Variants in TCF4 observed in about 807,000 individuals in gnomAD.
The protein encoded by TCF4 is SL3-3 enhancer factor 2.
Under a neutral mutation model 82.1 loss-of-function variants are expected in TCF4, and 3 were observed. The observed-to-expected ratio is 0.04, with a 90% CI of 0.02 to 0.09. The LOEUF is 0.09. Among genes scored for constraint, TCF4 ranks in the 10% least tolerant of loss-of-function variants. The pLI, the probability that TCF4 is intolerant of heterozygous loss-of-function variation, is 1.00. For synonymous variants in TCF4, 276 were observed against 309.6 expected (o/e 0.89, Z 1.14); for missense variants, 518 against 852.7 (o/e 0.61, Z 4.89).
intron 2 of TCF4, among the ~76,000 whole-genome samples, chr18:55,602,068 G>A (rs1031970901): frequency 3.9e-5 from 6 of 152,118 alleles, no homozygotes; most frequent in African/African-American, 1.2e-4. Context: ...CCGGATTCAC[G>A]TTAATGCCTA....
intron 3 of TCF4, among the ~76,000 whole-genome samples, chr18:55,539,144 G>C (rs1368353397): frequency 6.6e-6 from 1 of 151,920 alleles, no homozygotes; most frequent in East Asian, 1.9e-4. Context: ...TTTACAGCCA[G>C]AACAAAAAAC....
intron 8 of TCF4, among the ~76,000 whole-genome samples, chr18:55,294,227 TC>T (rs1211686239): frequency 6.6e-6 from 1 of 150,548 alleles, no homozygotes; most frequent in African/African-American, 2.4e-5. Context: ...GCCACTGCAC[TC>T]CAGCCTGGGC....
chr18:55,538,385 A>G (rs1290781721), intron 3 of TCF4, among the ~76,000 whole-genome samples: 3 of 152,178 alleles, frequency 2.0e-5, no homozygotes, highest in Non-Finnish European at 4.4e-5. Context: ...AAAGACTAGG[A>G]TCCTTTCAAG....
At chr18:55,532,848 C>T (rs1015180345) in intron 3 of TCF4, among the ~76,000 whole-genome samples, 5 of 152,182 alleles carry the variant, frequency 3.3e-5, no homozygotes, top group African/African-American at 1.2e-4. Flanking sequence ...TCCATCCACA[C>T]TAACCGGCAA....
At chr18:55,332,502 A>T (rs2077774523) in intron 8 of TCF4, among the ~76,000 whole-genome samples, 1 of 152,176 alleles carries the variant, frequency 6.6e-6, no homozygotes, top group Non-Finnish European at 1.5e-5. Context: ...CTATCACTGT[A>T]TTTTTAAGAG....
intron 8 of TCF4, among the ~76,000 whole-genome samples, chr18:55,329,850 AG>A (rs1172219844): frequency 6.6e-6 from 1 of 152,252 alleles, no homozygotes; most frequent in Non-Finnish European, 1.5e-5. Context: ...TGACCTCTTC[AG>A]GCATGATTAT....
Position 55,387,535 on chromosome 18 carries a change from C to T in TCF4, c.369+15919G>A, listed in dbSNP as rs115606966. Among the ~76,000 whole-genome samples, 1,082 of 152,324 alleles carry T rather than the reference C, an allele frequency of 7.1e-3. 16 individuals are homozygous for T. The highest frequency in any genetic ancestry group is 0.025 in the African/African-American group (1,032 of 41,566). On this transcript the variant is annotated intron_variant, in intron 6 of 19. Coordinates refer to ENST00000354452, the MANE Select transcript of TCF4 (RefSeq NM_001083962.2). ...TGCTTTTTATCCAAGTTCACAGCTC[C>T]TGGTCACTGAGGGTAAACAGTGTTA... is the stretch of plus-strand genomic sequence containing the variant.
At position 55,403,562 on chromosome 18, in the gene TCF4, T is replaced by TA. The variant is rs551539799; in HGVS notation, c.305-45dup. On this transcript the variant is annotated intron_variant, in intron 5 of 19. Transcript: ENST00000354452. ...AAAAAGTGTAAATTGTGTTTTTCCTTAAAAAAAAATCTCCTCCAGGTAACA... is the reference window on the plus strand; with the variant it reads ...AAAAAGTGTAAATTGTGTTTTTCCTTAAAAAAAAAATCTCCTCCAGGTAACA... The TA allele has an allele frequency of 5.1e-4, 818 of 1,606,666 alleles. 12 individuals carry two copies. The East Asian group carries it at 9.0e-3, about 18-fold the overall frequency.
At chr18:55,566,901 T>C (rs554451592) in intron 3 of TCF4, among the ~76,000 whole-genome samples, 11 of 152,240 alleles carry the variant, frequency 7.2e-5, no homozygotes, top group African/African-American at 2.4e-4. Context: ...GTAGACCAAA[T>C]AGAATTTTAA....
At chr18:55,625,295 G>A (rs559191403) in intron 2 of TCF4, among the ~76,000 whole-genome samples, 2 of 150,318 alleles carry the variant, frequency 1.3e-5, no homozygotes, top group African/African-American at 2.5e-5. Context: ...CTGGAGTGCA[G>A]TGGCCTGATC....
chr18:55,586,882 T>C (rs889107565), intron 2 of TCF4, 163 bp downstream of exon 2: 4 of 608,204 alleles, frequency 6.6e-6, no homozygotes, highest in African/African-American at 5.7e-5. Context: ...CACCACAAAA[T>C]TATAGTTAAA....
Position 55,586,180 on chromosome 18 carries a change from CAGCAGCAGCAGCAGCAG to C in TCF4, c.73-845_73-829del, listed in dbSNP as rs1568465966. ...GCAGCAGCAGCAGCAGCAGCAGCAG[CAGCAGCAGCAGCAGCAG>C]CAGCAGCAGCAGCAGCAGCAGCAGC... On this transcript the variant is annotated intron_variant, in intron 2 of 19. Transcript: ENST00000354452. The C allele has an allele frequency of 1.4e-4, 87 of 617,044 alleles. 5 individuals carry two copies. The highest frequency in any genetic ancestry group is 6.0e-4 in the South Asian group (23 of 38,630). 38.2% of individuals were successfully genotyped at this position (617,044 alleles called of 1,614,324 possible).
intron 2 of TCF4, chr18:55,586,058 T>TAGGGCTACGTTTCCTGGCAAAACTTCCG: frequency 7.1e-7 from 1 of 1,410,744 alleles, no homozygotes. Flanking sequence ...GCTGCCTGCC[T>TAGGGCTACGTTTCCTGGCAAAACTTCCG]AGGGCTACGT....
chr18:55,224,218 A>G lies in TCF4; in HGVS notation c.*3817T>C, dbSNP rs2046302120. ...AATTGCATCACAAGTAACAAGAATG[A>G]AAAAGGCCACAGTTCATATATTTTC... is the stretch of plus-strand genomic sequence containing the variant. On this transcript the variant is annotated 3_prime_UTR_variant, in exon 20 of 20. Transcript: ENST00000354452. 1 of 152,118 alleles carries G rather than the reference A, an allele frequency of 6.6e-6. No individual in the cohort carries two copies. Among genetic ancestry groups the G allele is most frequent in the South Asian group, 2.1e-4 (1 of 4,808 alleles). 9.4% of individuals were successfully genotyped at this position (152,118 alleles called of 1,614,324 possible).
intron 5 of TCF4, among the ~76,000 whole-genome samples, chr18:55,422,698 A>T (rs919981417): frequency 6.6e-6 from 1 of 152,054 alleles, no homozygotes; most frequent in Non-Finnish European, 1.5e-5. Context: ...GGGAATTGTG[A>T]GCGGAATGAA....
At chr18:55,254,441 A>T (rs2056222928) in intron 15 of TCF4, 56 bp downstream of exon 15, 1 of 1,533,028 alleles carries the variant, frequency 6.5e-7, no homozygotes. Context: ...TAGTATCTAT[A>T]TCTGAAATTC....
chr18:55,245,263 A>G (rs1194870220), intron 15 of TCF4, among the ~76,000 whole-genome samples: 2 of 152,260 alleles, frequency 1.3e-5, no homozygotes, highest in Non-Finnish European at 2.9e-5. Flanking sequence ...ATTTACAGCC[A>G]TAATAAAAGT....
intron 4 of TCF4, 76 bp downstream of exon 4, chr18:55,464,000 G>C: frequency 7.4e-7 from 1 of 1,345,150 alleles, no homozygotes; most frequent in South Asian, 1.2e-5. Context: ...GAGAGAGAGA[G>C]AGAAACACAC....
chr18:55,357,734 AT>A (rs2083937754), intron 6 of TCF4, among the ~76,000 whole-genome samples: 1 of 152,168 alleles, frequency 6.6e-6, no homozygotes, highest in African/African-American at 2.4e-5. Context: ...TATGACAGCC[AT>A]TTTTATGTAG....
Sources: gnomAD v4.1 joint callset for allele counts (sites outside exome capture counted in the v4.1 genomes callset) on GRCh38, gnomAD v4.1.1 for gene constraint, MANE v1.5 for transcripts, NCBI Gene and HGNC (gene_info 2026-07-23, HGNC 2026-07-21) for gene names.